Variants in DNAAF11 observed in about 807,000 individuals in gnomAD.
DNAAF11 encodes the protein leucine rich repeat containing 6.
In DNAAF11, 45 loss-of-function variants were observed where a neutral mutation model predicts 60.8. The ratio of observed to expected loss-of-function variants is 0.74; its 90% CI spans 0.58 to 0.95. The LOEUF is 0.95. DNAAF11 is among the 40% of genes least tolerant of loss of function. The probability of loss-of-function intolerance (pLI) is 0.00; values close to 1 mark genes in which losing one functional copy is unlikely to be tolerated. For missense variants in DNAAF11, 546 were observed against 546.2 expected (o/e 1.00, Z 0.00); for synonymous variants, 191 against 183.5 (o/e 1.04, Z -0.33).
intron 5 of DNAAF11, among the ~76,000 whole-genome samples, chr8:132,627,496 C>T (rs1160270581): frequency 3.3e-5 from 5 of 152,312 alleles, no homozygotes. Context: ...GCAGATCCCA[C>T]AGCTGTAGAG....
chr8:132,699,788 T>A, the DNAAF11 span, among the ~76,000 whole-genome samples: 2 of 152,150 alleles, frequency 1.3e-5, no homozygotes, highest in African/African-American at 4.8e-5. Flanking sequence ...TGCTAATACA[T>A]GCTAAGATGT....
In DNAAF11 at chr8:132,607,747, T is replaced by C. The variant is rs753729290; in HGVS notation, c.1140+2419A>G. Among the ~76,000 whole-genome samples the C allele has an allele frequency of 1.3e-3, 194 of 152,204 alleles. 1 individual carries two copies. Among genetic ancestry groups the C allele is most frequent in the Non-Finnish European group, 2.0e-3 (137 of 68,030 alleles). On this transcript the variant is annotated intron_variant, in intron 10 of 11. Transcript: ENST00000620350. ...AATTCACTTGGCATAATATGCAGGT[T>C]CATTCATGTTGTGGCAAATGGCAAA...
chr8:132,614,999 C>G, intron 8 of DNAAF11, 39 bp downstream of exon 8: 2 of 1,354,542 alleles, frequency 1.5e-6, no homozygotes, highest in South Asian at 1.3e-5. Flanking sequence ...TGAAAACAGA[C>G]AGAAATGTCA....
intron 3 of DNAAF11, among the ~76,000 whole-genome samples, chr8:132,641,026 G>A (rs2130589157): frequency 6.6e-6 from 1 of 152,222 alleles, no homozygotes; most frequent in Non-Finnish European, 1.5e-5. Context: ...ATGAGTTCAT[G>A]CCAATATAAG....
At chr8:132,591,452 TATA>T (rs1486046950) in intron 10 of DNAAF11, among the ~76,000 whole-genome samples, 1 of 115,360 alleles carries the variant, frequency 8.7e-6, no homozygotes, top group African/African-American at 4.3e-5. Flanking sequence ...AGATGAAAAA[TATA>T]ATATTTTATT....
rs1365440573 is a variant in DNAAF11 at position 132,675,338 on chromosome 8, G to A, written c.10+146C>T. On this transcript the variant is annotated intron_variant, in intron 1 of 11. Coordinates refer to ENST00000620350, the MANE Select transcript of DNAAF11 (RefSeq NM_012472.6). ...AGGACCTGGTGCAGCCGGGGCTGCG[G>A]TGCGGAGGGCCGGGTGGGGTTAGGG... The A allele has an allele frequency of 1.3e-5, 10 of 797,602 alleles. No individual in the cohort carries two copies. The East Asian group carries it at 2.4e-4, about 19-fold the overall frequency. 49.4% of individuals were successfully genotyped at this position (797,602 alleles called of 1,614,324 possible). A position where few individuals can be genotyped will look rare whatever the true frequency, so the allele number is the denominator to read the frequency against.
At chr8:132,628,867 C>T (rs185613333) in intron 5 of DNAAF11, among the ~76,000 whole-genome samples, 1 of 152,234 alleles carries the variant, frequency 6.6e-6, no homozygotes, top group East Asian at 1.9e-4. Context: ...TTTTTATAAA[C>T]CAAGGATAGT....
chr8:132,690,107 A>G, the DNAAF11 span, among the ~76,000 whole-genome samples: 1 of 152,218 alleles, frequency 6.6e-6, no homozygotes, highest in African/African-American at 2.4e-5. Context: ...TTTCAGTTTG[A>G]GATTTTTAGA....
chr8:132,681,779 T>C, the DNAAF11 span, among the ~76,000 whole-genome samples: 2 of 152,196 alleles, frequency 1.3e-5, no homozygotes, highest in African/African-American at 2.4e-5. Context: ...TCTCCATTAG[T>C]TTAAGAAAGG....
chr8:132,652,612 T>C (rs1229665885), intron 3 of DNAAF11, among the ~76,000 whole-genome samples: 2 of 151,944 alleles, frequency 1.3e-5, no homozygotes, highest in East Asian at 3.9e-4. Context: ...TATGCAGCCA[T>C]AAAAAAGGGT....
chr8:132,610,838 A>T (rs1160560463), intron 9 of DNAAF11, among the ~76,000 whole-genome samples: 1 of 152,148 alleles, frequency 6.6e-6, no homozygotes, highest in African/African-American at 2.4e-5. Context: ...TGTGCTAAAA[A>T]ATAGCACTCT....
intron 10 of DNAAF11, among the ~76,000 whole-genome samples, chr8:132,594,934 A>G (rs988163741): frequency 2.0e-5 from 3 of 152,066 alleles, no homozygotes; most frequent in Non-Finnish European, 4.4e-5. Flanking sequence ...TGTGATAATG[A>G]GTGAATTCTC....
At position 132,582,223 on chromosome 8, in the gene DNAAF11, C is replaced by T. The variant is rs79552499; in HGVS notation, c.1226+1471G>A. Among the ~76,000 whole-genome samples the T allele has an allele frequency of 1.1e-4, 17 of 152,318 alleles. No homozygotes were observed. In the East Asian group the frequency reaches 3.1e-3, roughly 28 times the overall value. On this transcript the variant is annotated intron_variant, in intron 11 of 11. Coordinates refer to ENST00000620350, the MANE Select transcript of DNAAF11 (RefSeq NM_012472.6). ...ATAGAGTTTGCCAATGATTAAGGAG[C>T]ACCATAAACTACCTTCACACAGGCA...
chr8:132,686,728 G>C, the DNAAF11 span, among the ~76,000 whole-genome samples: 1 of 152,148 alleles, frequency 6.6e-6, no homozygotes, highest in African/African-American at 2.4e-5. Context: ...CTTACTTTGA[G>C]AAAAGAGGAG....
chr8:132,608,914 A>C (rs967370991), intron 10 of DNAAF11, among the ~76,000 whole-genome samples: 1 of 152,238 alleles, frequency 6.6e-6, no homozygotes, highest in African/African-American at 2.4e-5. Context: ...ATCCGTTGGA[A>C]ATTGGCTACA....
At chr8:132,596,570 C>T (rs574637219) in intron 10 of DNAAF11, among the ~76,000 whole-genome samples, 126 of 152,050 alleles carry the variant, frequency 8.3e-4, no homozygotes, top group Non-Finnish European at 1.6e-3. Context: ...GGGTTTTGTG[C>T]CTTAGGAAAA....
chr8:132,616,427 C>T (rs1349606634), intron 7 of DNAAF11, among the ~76,000 whole-genome samples: 3 of 152,076 alleles, frequency 2.0e-5, no homozygotes, highest in Non-Finnish European at 2.9e-5. Context: ...AGTTAGTGTC[C>T]ACTAGTGGTG....
intron 10 of DNAAF11, among the ~76,000 whole-genome samples, chr8:132,601,486 C>A (rs930966595): frequency 1.3e-5 from 2 of 152,100 alleles, no homozygotes; most frequent in Non-Finnish European, 1.5e-5. Flanking sequence ...ATGTTTATTG[C>A]AGCACTATTC....
upstream of DNAAF11, chr8:132,675,614 C>T (rs926403680): frequency 9.2e-7 from 1 of 1,089,592 alleles, no homozygotes; most frequent in Non-Finnish European, 1.3e-6. Flanking sequence ...GCAACGGGGA[C>T]TCTACGGCGG....
Sources: gnomAD v4.1 joint callset for allele counts (sites outside exome capture counted in the v4.1 genomes callset) on GRCh38, gnomAD v4.1.1 for gene constraint, MANE v1.5 for transcripts, NCBI Gene and HGNC (gene_info 2026-07-23, HGNC 2026-07-21) for gene names.